CUBN: variants seen among roughly 807,000 people sequenced by gnomAD.
CUBN encodes cubilin.
A neutral mutation model predicts 405.3 loss-of-function variants in CUBN; 282 were observed. That is an observed-to-expected ratio of 0.70 (90% CI 0.63 to 0.77). CUBN has a LOEUF of 0.77. Ranked by LOEUF, CUBN falls within the 30% of genes least tolerant of loss-of-function variation. The pLI is 0.00. For synonymous variants in CUBN, 1,684 were observed against 1,617.0 expected (o/e 1.04, Z -0.99); for missense variants, 4,514 against 4,475.2 (o/e 1.01, Z -0.25).
intron 35 of CUBN, 30 bp downstream of exon 35, chr10:16,948,448 C>A (rs200500655): frequency 3.0e-5 from 49 of 1,613,160 alleles, no homozygotes; most frequent in Non-Finnish European, 8.5e-6. Flanking sequence ...TCCCTTTTAA[C>A]CGCTAGAGTC....
Position 16,869,778 on chromosome 10 carries a change from G to C in CUBN, c.9312C>G (p.Thr3104=). 6.2e-7 allele frequency: 1 copy of C among 1,614,046 alleles called. No individual in the cohort carries two copies. Among genetic ancestry groups the C allele is most frequent in the Non-Finnish European group, 8.5e-7 (1 of 1,179,948 alleles). Residue 3104 remains threonine, a synonymous_variant, in exon 59 of 67, where the codon ACC becomes ACG. Coordinates refer to ENST00000377833, the MANE Select transcript of CUBN (RefSeq NM_001081.4). The part of the protein sequence containing the change: ...DYLAIYDGAN[T]SDPLLGKFCG... Reference sequence around the variant, plus strand: ...AGAATTTGCCAAGAAGGGGATCGCTGGTATTGGCACCATCGTAAATTGCCA... The same window carrying C: ...AGAATTTGCCAAGAAGGGGATCGCTCGTATTGGCACCATCGTAAATTGCCA...
chr10:16,837,201 C>T (rs762674575), intron 62 of CUBN, among the ~76,000 whole-genome samples: 4 of 152,124 alleles, frequency 2.6e-5, no homozygotes, highest in African/African-American at 9.6e-5. Flanking sequence ...ACATCCCCCA[C>T]CTTTCCACTT....
intron 56 of CUBN, among the ~76,000 whole-genome samples, chr10:16,879,877 C>A (rs1840618785): frequency 6.6e-6 from 1 of 152,170 alleles, no homozygotes. Flanking sequence ...TTGACTCTTG[C>A]AAGATGGTGC....
At position 17,098,400 on chromosome 10, in the gene CUBN, T is replaced by C. The variant is rs556609140; in HGVS notation, c.1765+1605A>G. Among the ~76,000 whole-genome samples, 8 of 152,326 alleles carry C rather than the reference T, an allele frequency of 5.3e-5. No individual in the cohort carries two copies. In the East Asian group the frequency reaches 1.3e-3, roughly 26 times the overall value. On this transcript the variant is annotated intron_variant, in intron 14 of 66. Transcript: ENST00000377833. ...TTGTGGGAAATTAGTTATACAGCAA[T>C]AGTAGTTGACATAGGAAAGAACACT...
chr10:16,950,947 T>C (rs2131627155), intron 33 of CUBN, among the ~76,000 whole-genome samples: 2 of 152,326 alleles, frequency 1.3e-5, no homozygotes, highest in South Asian at 4.1e-4. Flanking sequence ...CTCAGTTTTA[T>C]TTTCAGGCTA....
chr10:17,097,365 A>G (rs1836398258), intron 14 of CUBN, among the ~76,000 whole-genome samples: 1 of 152,148 alleles, frequency 6.6e-6, no homozygotes, highest in Non-Finnish European at 1.5e-5. Flanking sequence ...GAAGAAATGT[A>G]AACTCTGAAT....
chr10:17,128,155 G>A (rs1342636221), intron 2 of CUBN, among the ~76,000 whole-genome samples: 2 of 152,160 alleles, frequency 1.3e-5, no homozygotes, highest in Non-Finnish European at 2.9e-5. Context: ...TTTTCCATTT[G>A]TATGTTTTCC....
intron 14 of CUBN, among the ~76,000 whole-genome samples, chr10:17,090,132 C>T (rs1419382598): frequency 1.3e-5 from 2 of 151,908 alleles, no homozygotes; most frequent in African/African-American, 2.4e-5. Flanking sequence ...GGACTGGAAA[C>T]AAGCCAAATG....
rs201523106 is a variant in CUBN at position 17,071,210 on chromosome 10, CG to C, written c.2625+215del. On this transcript the variant is annotated intron_variant, in intron 19 of 66. Coordinates refer to ENST00000377833, the MANE Select transcript of CUBN (RefSeq NM_001081.4). ...GGGTTTTATATCAACCTAGAATTCT[CG>C]GGACAAATCTCACTTAATCATGGTA... is the stretch of plus-strand genomic sequence containing the variant. 6.6e-3 allele frequency among the ~76,000 whole-genome samples: 1,002 copies of C among 152,098 alleles called. 11 individuals are homozygous for C. The highest frequency in any genetic ancestry group is 0.023 in the African/African-American group (962 of 41,486).
rs201484844 is a variant in CUBN, at chr10:17,129,594, T to C, written c.122+50A>G. 150 of 1,613,000 alleles carry C rather than the reference T, an allele frequency of 9.3e-5. No individual in the cohort carries two copies. In the African/African-American group the frequency reaches 1.9e-3, roughly 21 times the overall value. The stretch of plus-strand genomic sequence containing the variant: ...TTATCTGGCTATTTGGGAAAACTGG[T>C]GAGGAATTAGCCTAGTCCCTGAGCA... On this transcript the variant is annotated intron_variant, in intron 1 of 66. Coordinates refer to ENST00000377833, the MANE Select transcript of CUBN (RefSeq NM_001081.4).
chr10:17,051,782 A>G (rs553667562), intron 22 of CUBN, among the ~76,000 whole-genome samples: 2 of 152,108 alleles, frequency 1.3e-5, no homozygotes, highest in East Asian at 3.9e-4. Context: ...AGGAAAATGG[A>G]CAGATATTTA....
At chr10:17,106,141 C>T (rs1275173079) in intron 10 of CUBN, among the ~76,000 whole-genome samples, 1 of 151,102 alleles carries the variant, frequency 6.6e-6, no homozygotes, top group Non-Finnish European at 1.5e-5. Context: ...AAAAATTAGC[C>T]AGGCATGGTG....
At chr10:16,872,440 G>C (rs1372056025) in intron 58 of CUBN, among the ~76,000 whole-genome samples, 1 of 151,962 alleles carries the variant, frequency 6.6e-6, no homozygotes, top group Non-Finnish European at 1.5e-5. Context: ...TGGAATGTTT[G>C]TGTTCCCCTA....
Position 16,900,618 on chromosome 10 carries a change from C to A in CUBN, c.8410+7G>T. 6.2e-7 allele frequency: 1 copy of A among 1,600,208 alleles called. No individual in the cohort carries two copies. Among genetic ancestry groups the A allele is most frequent in the African/African-American group, 1.3e-5 (1 of 74,804 alleles). On this transcript the variant is annotated splice_region_variant and intron_variant, in intron 53 of 66. Transcript: ENST00000377833. The stretch of plus-strand genomic sequence containing the variant: ...AGAAAATCAAATGGAGCAAACATTT[C>A]TTTTACCTAAAGTTTGTGTGTTCCA...
chr10:17,125,550 G>A (rs1170901071), intron 4 of CUBN, among the ~76,000 whole-genome samples: 1 of 152,116 alleles, frequency 6.6e-6, no homozygotes, highest in Non-Finnish European at 1.5e-5. Context: ...TCATTCAAAG[G>A]TTTTCTGTCA....
rs544768189 is a variant in CUBN at position 16,992,953 on chromosome 10, T to C, written c.4169-2438A>G. ...GCAAATATTCCTGAAGCCAAAATCA[T>C]CACAGATTGTCCGTATCTCCTGTAC... On this transcript the variant is annotated intron_variant, in intron 28 of 66. Coordinates refer to ENST00000377833, the MANE Select transcript of CUBN (RefSeq NM_001081.4). Among the ~76,000 whole-genome samples, 14 of 152,280 alleles carry C rather than the reference T, an allele frequency of 9.2e-5. No individual in the cohort carries two copies. The East Asian group carries it at 1.9e-3, about 21-fold the overall frequency.
In CUBN at chr10:17,103,264, T is replaced by A. The variant is rs773034030; in HGVS notation, c.1418-27A>T. On this transcript the variant is annotated intron_variant, in intron 12 of 66. Transcript: ENST00000377833. The stretch of plus-strand genomic sequence containing the variant: ...TGCAAAGGAAAAGATGAACTGTGCT[T>A]TTCAGAGGTTCCTAAAAGGAAGAGG... 5.7e-6 allele frequency: 8 copies of A among 1,406,032 alleles called. No homozygotes were observed. The South Asian group carries it at 8.1e-5, about 14-fold the overall frequency. The allele number at this position is 1,406,032 out of a possible 1,614,324, so 87.1% of individuals were successfully genotyped here. A position where few individuals can be genotyped will look rare whatever the true frequency, so the allele number is the denominator to read the frequency against.
Position 16,824,854 on chromosome 10 carries a change from A to G in CUBN, c.*121T>C. 1.3e-6 allele frequency: 1 copy of G among 766,678 alleles called. No individual in the cohort carries two copies. Among genetic ancestry groups the G allele is most frequent in the Non-Finnish European group, 2.3e-6 (1 of 438,320 alleles). 47.5% of individuals were successfully genotyped at this position (766,678 alleles called of 1,614,324 possible). ...ATTGATTCTATCCATGGTTTGGTGAAAAACCATACAAGTTCAGCTTATTCT... is the reference window on the plus strand; with the variant it reads ...ATTGATTCTATCCATGGTTTGGTGAGAAACCATACAAGTTCAGCTTATTCT... On this transcript the variant is annotated 3_prime_UTR_variant, in exon 67 of 67. Coordinates refer to ENST00000377833, the MANE Select transcript of CUBN (RefSeq NM_001081.4).
At chr10:16,901,086 T>A (rs1391021496) in intron 52 of CUBN, among the ~76,000 whole-genome samples, 1 of 152,152 alleles carries the variant, frequency 6.6e-6, no homozygotes, top group Admixed American at 6.6e-5. Flanking sequence ...TGAATACACT[T>A]CTCTCTAAGA....
Sources: gnomAD v4.1 joint callset for allele counts (sites outside exome capture counted in the v4.1 genomes callset) on GRCh38, gnomAD v4.1.1 for gene constraint, MANE v1.5 for transcripts, NCBI Gene and HGNC (gene_info 2026-07-23, HGNC 2026-07-21) for gene names.